The following PPP1R9A variants were observed in gnomAD, a reference collection of about 807,000 sequenced individuals.
PPP1R9A encodes neurabin-1.
In PPP1R9A, 59 loss-of-function variants were observed where a neutral mutation model predicts 141.9. The observed-to-expected ratio is 0.42, with a 90% CI of 0.34 to 0.52. The LOEUF (loss-of-function observed/expected upper bound fraction) is 0.52, where lower values mean the gene tolerates loss of function less well. Ranked by LOEUF, PPP1R9A falls within the 20% of genes least tolerant of loss-of-function variation. The pLI is 0.10. For missense variants in PPP1R9A, 1,444 were observed against 1,611.9 expected, an observed-to-expected ratio of 0.90 and a Z score of 1.78; for synonymous variants, 500 against 569.7, an observed-to-expected ratio of 0.88 and a Z score of 1.74.
intron 2 of PPP1R9A, among the ~76,000 whole-genome samples, chr7:95,083,660 GCT>G (rs939825803): frequency 6.6e-6 from 1 of 151,884 alleles, no homozygotes; most frequent in Non-Finnish European, 1.5e-5. Flanking sequence ...GATTTCGGAG[GCT>G]CCGTACCACA....
At chr7:95,010,713 C>T (rs1804296617) in intron 2 of PPP1R9A, among the ~76,000 whole-genome samples, 2 of 151,714 alleles carry the variant, frequency 1.3e-5, no homozygotes, top group South Asian at 2.1e-4. Flanking sequence ...TTAGTTTACC[C>T]CAAAATATAT....
intron 10 of PPP1R9A, 111 bp from the exon 11 acceptor site, chr7:95,251,651 C>A: frequency 1.0e-6 from 1 of 952,432 alleles, no homozygotes; most frequent in Non-Finnish European, 1.5e-6. Flanking sequence ...GAATGTTGTC[C>A]ATTTAAATAA....
intron 2 of PPP1R9A, among the ~76,000 whole-genome samples, chr7:94,950,889 A>G (rs1429614481): frequency 6.6e-6 from 1 of 152,096 alleles, no homozygotes; most frequent in East Asian, 1.9e-4. Flanking sequence ...TTGGGGCCAC[A>G]GGCATGTGCC....
chr7:95,223,490 A>G (rs1794727933), intron 7 of PPP1R9A, among the ~76,000 whole-genome samples: 1 of 152,000 alleles, frequency 6.6e-6, no homozygotes, highest in Non-Finnish European at 1.5e-5. Flanking sequence ...AGTTCTGTCT[A>G]TTACCAAGTT....
chr7:95,273,711 A>AC (rs1802611853), intron 14 of PPP1R9A, among the ~76,000 whole-genome samples, 188 bp from the exon 15 acceptor site: 1 of 151,996 alleles, frequency 6.6e-6, no homozygotes, highest in African/African-American at 2.4e-5. Flanking sequence ...CCTATAGAGG[A>AC]CCTCCCCTGC....
chr7:94,919,517 G>A (rs1390755583), intron 2 of PPP1R9A, among the ~76,000 whole-genome samples: 1 of 151,964 alleles, frequency 6.6e-6, no homozygotes, highest in Non-Finnish European at 1.5e-5. Context: ...TTTTTATAGC[G>A]TGAAGGAATC....
At chr7:94,986,003 C>A (rs1190194859) in intron 2 of PPP1R9A, among the ~76,000 whole-genome samples, 1 of 152,024 alleles carries the variant, frequency 6.6e-6, no homozygotes, top group Non-Finnish European at 1.5e-5. Context: ...TGAGTTTGCA[C>A]AAGTTTTAAA....
chr7:95,019,817 TC>T (rs56393400), intron 2 of PPP1R9A, among the ~76,000 whole-genome samples: 59,244 of 151,730 alleles, frequency 0.39, 12,398 homozygotes, highest in Middle Eastern at 0.51. Flanking sequence ...GCATTAAACA[TC>T]CCCCCTCGCC....
chr7:95,096,025 C>A (rs1029351471), intron 2 of PPP1R9A, among the ~76,000 whole-genome samples: 25 of 151,956 alleles, frequency 1.6e-4, no homozygotes, highest in Admixed American at 8.5e-4. Flanking sequence ...TTTTTTTAAA[C>A]CTCTATCAGC....
At chr7:95,241,348 T>A (rs1797431711) in intron 8 of PPP1R9A, among the ~76,000 whole-genome samples, 1 of 152,088 alleles carries the variant, frequency 6.6e-6, no homozygotes, top group Non-Finnish European at 1.5e-5. Flanking sequence ...ACAGTAGGGG[T>A]TGTCCACTTT....
chr7:95,032,066 AT>A (rs1807766865), intron 2 of PPP1R9A, among the ~76,000 whole-genome samples: 1 of 152,140 alleles, frequency 6.6e-6, no homozygotes, highest in Non-Finnish European at 1.5e-5. Flanking sequence ...GCCTTTTGAG[AT>A]ATGTAGCATG....
intron 2 of PPP1R9A, among the ~76,000 whole-genome samples, chr7:95,047,472 G>A (rs1250832410): frequency 1.3e-5 from 2 of 152,142 alleles, no homozygotes; most frequent in Admixed American, 6.6e-5. Flanking sequence ...TGTTTTGAAT[G>A]AGCTTATTGT....
intron 7 of PPP1R9A, among the ~76,000 whole-genome samples, chr7:95,212,531 A>T (rs983520861): frequency 9.9e-5 from 15 of 152,182 alleles, no homozygotes; most frequent in African/African-American, 3.6e-4. Flanking sequence ...CCCTACAGGC[A>T]ATTGTCCTTA....
At chr7:95,073,284 C>A (rs527699084) in intron 2 of PPP1R9A, among the ~76,000 whole-genome samples, 2 of 151,954 alleles carry the variant, frequency 1.3e-5, no homozygotes, top group South Asian at 4.2e-4. Flanking sequence ...CTCTGCCTGG[C>A]CTACTTTTAT....
intron 2 of PPP1R9A, among the ~76,000 whole-genome samples, chr7:95,058,132 G>T (rs534566876): frequency 2.6e-5 from 4 of 152,146 alleles, no homozygotes; most frequent in African/African-American, 9.6e-5. Context: ...AATACTGTAA[G>T]GATTGGTCTT....
intron 2 of PPP1R9A, among the ~76,000 whole-genome samples, chr7:94,956,948 A>G (rs1797136272): frequency 6.6e-6 from 1 of 152,164 alleles, no homozygotes; most frequent in Admixed American, 6.6e-5. Context: ...AGTAATTTAT[A>G]TCCAGATATA....
At chr7:94,947,678 C>G (rs73423087) in intron 2 of PPP1R9A, among the ~76,000 whole-genome samples, 3,765 of 151,946 alleles carry the variant, frequency 0.025, 168 homozygotes, top group African/African-American at 0.086. Flanking sequence ...GAGAAGAGTT[C>G]TAGTATATAT....
Position 95,286,256 on chromosome 7 carries a change from C to A in PPP1R9A, c.3660C>A (p.Asp1220Glu). The A allele has an allele frequency of 6.2e-7, 1 of 1,613,714 alleles. No individual in the cohort carries two copies. Among genetic ancestry groups the A allele is most frequent in the Admixed American group, 1.7e-5 (1 of 59,974 alleles). The change falls in exon 18 of 20, where the codon GAC (aspartate) becomes GAA (glutamate). Residue 1220 changes from aspartate (D) to glutamate (E), a missense_variant. Around this residue, in one of 5 missense-constraint regions of PPP1R9A, gnomAD observed 459 missense variants for 513.8 expected, o/e 0.89. Transcript: ENST00000433360. ...DFSPSSTSSA[D>E]LSGLGAEPKT... The stretch of plus-strand genomic sequence containing the variant: ...GTCCCAGCAGTACCAGTTCAGCAGA[C>A]CTCAGCGGCTTAGGAGCAGAACCTA...
intron 5 of PPP1R9A, among the ~76,000 whole-genome samples, chr7:95,185,975 C>A (rs1834586931): frequency 6.6e-6 from 1 of 151,892 alleles, no homozygotes; most frequent in South Asian, 2.1e-4. Flanking sequence ...CAGATTTGTT[C>A]TTTTTGCTTA....
Sources: gnomAD v4.1 joint callset for allele counts (sites outside exome capture counted in the v4.1 genomes callset) on GRCh38, gnomAD v4.1.1 for gene constraint, gnomAD v4.1.1 regional missense constraint, MANE v1.5 for transcripts, NCBI Gene and HGNC (gene_info 2026-07-23, HGNC 2026-07-21) for gene names.